The following MLLT10 variants were observed in gnomAD, a reference collection of about 807,000 sequenced individuals.
MLLT10 encodes MLLT10 histone lysine methyltransferase DOT1L cofactor, also known as protein AF-10.
Under a neutral mutation model 129.1 loss-of-function variants are expected in MLLT10, and 30 were observed. The observed-to-expected ratio is 0.23, with a 90% CI of 0.17 to 0.32. The LOEUF is 0.32. Ranked by LOEUF, MLLT10 falls within the 10% of genes least tolerant of loss-of-function variation. MLLT10 has a pLI of 1.00. For synonymous variants in MLLT10, 490 were observed against 446.4 expected, an observed-to-expected ratio of 1.10 and a Z score of -1.23; for missense variants, 1,119 against 1,268.3, an observed-to-expected ratio of 0.88 and a Z score of 1.79.
chr10:21,608,758 A>G (rs1450704098), intron 5 of MLLT10, among the ~76,000 whole-genome samples: 2 of 152,056 alleles, frequency 1.3e-5, no homozygotes, highest in African/African-American at 4.8e-5. Flanking sequence ...TAAGTTTGCT[A>G]ATTTTTTTCT....
intron 5 of MLLT10, among the ~76,000 whole-genome samples, chr10:21,605,901 G>A (rs2131170511): frequency 6.6e-6 from 1 of 151,344 alleles, no homozygotes; most frequent in Middle Eastern, 3.4e-3. Flanking sequence ...TCTTTTTATT[G>A]TACTTCACAG....
chr10:21,595,495 G>C, intron 5 of MLLT10, 55 bp downstream of exon 5: 1 of 1,381,520 alleles, frequency 7.2e-7, no homozygotes, highest in East Asian at 2.4e-5. Context: ...GAAGTAGAAA[G>C]GAAGTTTTTG....
intron 3 of MLLT10, among the ~76,000 whole-genome samples, chr10:21,545,239 A>G (rs1355227297): frequency 1.3e-5 from 2 of 151,296 alleles, no homozygotes; most frequent in Admixed American, 6.6e-5. Flanking sequence ...AGGGAACCAC[A>G]TGCCTTTTTT....
At chr10:21,556,837 T>C in intron 3 of MLLT10, 1 of 1,554,488 alleles carries the variant, frequency 6.4e-7, no homozygotes, top group Non-Finnish European at 8.7e-7. Context: ...CATTTACCAC[T>C]TGTCATATGT....
At chr10:21,572,717 A>G (rs1488224615) in intron 3 of MLLT10, among the ~76,000 whole-genome samples, 4 of 151,906 alleles carry the variant, frequency 2.6e-5, no homozygotes, top group Admixed American at 6.6e-5. Flanking sequence ...GGTTCAGACA[A>G]TTCTCCTGCC....
At chr10:21,581,238 G>A (rs1423609313) in intron 3 of MLLT10, among the ~76,000 whole-genome samples, 1 of 151,360 alleles carries the variant, frequency 6.6e-6, no homozygotes, top group Admixed American at 6.6e-5. Flanking sequence ...TAGTAGAGAC[G>A]GGGTTTCACC....
intron 3 of MLLT10, among the ~76,000 whole-genome samples, chr10:21,551,088 G>A (rs1437431254): frequency 6.6e-6 from 1 of 151,244 alleles, no homozygotes; most frequent in Non-Finnish European, 1.5e-5. Context: ...CACCACGCCC[G>A]GCTGATTTTT....
chr10:21,662,127 T>TAG (rs2050273943), intron 9 of MLLT10, among the ~76,000 whole-genome samples: 1 of 152,086 alleles, frequency 6.6e-6, no homozygotes, highest in Non-Finnish European at 1.5e-5. Flanking sequence ...GTGGGTAAGG[T>TAG]GTTTTCTTCT....
At chr10:21,726,221 T>A in intron 14 of MLLT10, 23 bp from the exon 15 acceptor site, 1 of 1,390,334 alleles carries the variant, frequency 7.2e-7, no homozygotes, top group Non-Finnish European at 1.0e-6. Context: ...AATTCATTTA[T>A]CATTGTAATT....
At chr10:21,580,858 C>T (rs1196197091) in intron 3 of MLLT10, among the ~76,000 whole-genome samples, 15 of 144,424 alleles carry the variant, frequency 1.0e-4, no homozygotes, top group East Asian at 2.0e-4. Flanking sequence ...CACACCACCA[C>T]GCCCAGCTCA....
chr10:21,634,194 C>G (rs1007519225), intron 8 of MLLT10, among the ~76,000 whole-genome samples: 1 of 151,284 alleles, frequency 6.6e-6, no homozygotes, highest in Non-Finnish European at 1.5e-5. Context: ...GAGCCGAGAT[C>G]ACACCCAGCC....
At chr10:21,639,166 C>T (rs1435302472) in intron 8 of MLLT10, among the ~76,000 whole-genome samples, 1 of 152,208 alleles carries the variant, frequency 6.6e-6, no homozygotes, top group Non-Finnish European at 1.5e-5. Context: ...AAAAAACAAA[C>T]AGTTTCTCCT....
intron 3 of MLLT10, among the ~76,000 whole-genome samples, chr10:21,584,837 TACAC>T (rs769733136): frequency 7.2e-5 from 11 of 151,868 alleles, no homozygotes; most frequent in African/African-American, 1.7e-4. Context: ...TATGTATACA[TACAC>T]ACATATATAT....
rs546513840 is a variant in MLLT10 at position 21,553,129 on chromosome 10, G to A, written c.240+14217G>A. ...ATTTAAGAAGGCACATCTTCTGGCA[G>A]CTTCATAGGAAAAGGCGCATGAGAA... On this transcript the variant is annotated intron_variant, in intron 3 of 22. Coordinates refer to ENST00000307729, the MANE Select transcript of MLLT10 (RefSeq NM_001195626.3). 2.0e-5 allele frequency among the ~76,000 whole-genome samples: 3 copies of A among 152,254 alleles called. No individual in the cohort carries two copies. In the South Asian group the frequency reaches 6.2e-4, roughly 32 times the overall value.
intron 5 of MLLT10, among the ~76,000 whole-genome samples, chr10:21,609,926 A>G (rs1229353827): frequency 6.6e-6 from 1 of 152,030 alleles, no homozygotes; most frequent in East Asian, 1.9e-4. Flanking sequence ...ATTCTCCATT[A>G]TTTTTGACAA....
intron 3 of MLLT10, among the ~76,000 whole-genome samples, chr10:21,548,310 A>G (rs73592582): frequency 0.014 from 2,156 of 150,254 alleles, 51 homozygotes; most frequent in African/African-American, 0.049. Context: ...ACTGTTAGGT[A>G]TATGTTTGGG....
intron 3 of MLLT10, among the ~76,000 whole-genome samples, chr10:21,563,008 A>G (rs1353871542): frequency 1.3e-5 from 2 of 151,488 alleles, no homozygotes; most frequent in Non-Finnish European, 2.9e-5. Context: ...TAGTAGAGAC[A>G]GGGTTTCTCC....
At position 21,534,466 on chromosome 10, in the gene MLLT10, G is replaced by A. The variant is rs546345707; in HGVS notation, c.-55G>A. ...GAGGGGAGGTGGGGGGAATCAGCAA[G>A]GACATGGCTCCTGACTCCTGTGCGG... is the stretch of plus-strand genomic sequence containing the variant. On this transcript the variant is annotated 5_prime_UTR_variant, in exon 1 of 23. Transcript: ENST00000307729. 1.4e-5 allele frequency: 8 copies of A among 567,442 alleles called. No individual in the cohort carries two copies. The South Asian group carries it at 1.8e-4, about 12-fold the overall frequency. 35.2% of individuals were successfully genotyped at this position (567,442 alleles called of 1,614,324 possible).
intron 14 of MLLT10, among the ~76,000 whole-genome samples, chr10:21,723,112 ATCTTTTAAAAATAGATACTTTCCT>A (rs552143320): frequency 2.3e-4 from 35 of 152,314 alleles, no homozygotes; most frequent in Non-Finnish European, 4.6e-4. Context: ...TTTGCCAGCC[ATCTTTTAAAAATAGATACTTTCCT>A]TCTTTAGCAT....
Sources: allele counts gnomAD v4.1 joint callset (sites outside exome capture counted in the v4.1 genomes callset), GRCh38; gene constraint gnomAD v4.1.1; transcripts MANE v1.5; gene names NCBI Gene and HGNC (gene_info 2026-07-23, HGNC 2026-07-21).